ANXA2: variants seen among roughly 807,000 people sequenced by gnomAD.
ANXA2 encodes the protein annexin II.
Under a neutral mutation model 47.3 loss-of-function variants are expected in ANXA2, and 28 were observed. The ratio of observed to expected loss-of-function variants is 0.59; its 90% CI spans 0.44 to 0.81. The LOEUF (loss-of-function observed/expected upper bound fraction) is 0.81. ANXA2 is among the 40% of genes least tolerant of loss of function. The pLI is 0.00. For synonymous variants in ANXA2, 172 were observed against 155.5 expected (o/e 1.11, Z -0.79); for missense variants, 384 against 414.3 (o/e 0.93, Z 0.64).
intron 3 of ANXA2, among the ~76,000 whole-genome samples, chr15:60,376,912 C>T (rs2062786873): frequency 6.6e-6 from 1 of 152,242 alleles, no homozygotes; most frequent in African/African-American, 2.4e-5. Flanking sequence ...ACAGGGAAAT[C>T]AATGGAACAT....
chr15:60,392,941 CTAAAA>C, intron 1 of ANXA2: 1 of 753,182 alleles, frequency 1.3e-6, no homozygotes, highest in Non-Finnish European at 1.6e-6. Flanking sequence ...GAATTTTAAA[CTAAAA>C]AAAAAAAAAA....
chr15:60,369,411 A>G (rs532731950), intron 3 of ANXA2, among the ~76,000 whole-genome samples: 1 of 152,336 alleles, frequency 6.6e-6, no homozygotes, highest in South Asian at 2.1e-4. Flanking sequence ...CCACAACTGA[A>G]AATACTGAAG....
chr15:60,371,859 T>C (rs1436375603), intron 3 of ANXA2, among the ~76,000 whole-genome samples: 4 of 152,198 alleles, frequency 2.6e-5, no homozygotes, highest in African/African-American at 9.7e-5. Flanking sequence ...ATTATAATAA[T>C]AGTAACCTTT....
At chr15:60,372,941 C>T (rs2062729898) in intron 3 of ANXA2, among the ~76,000 whole-genome samples, 1 of 152,044 alleles carries the variant, frequency 6.6e-6, no homozygotes, top group African/African-American at 2.4e-5. Flanking sequence ...AGACAAGAGC[C>T]ACCACACCCA....
At chr15:60,358,002 A>T (rs2062459263) in intron 5 of ANXA2, among the ~76,000 whole-genome samples, 1 of 152,244 alleles carries the variant, frequency 6.6e-6, no homozygotes. Flanking sequence ...CAGAAATTTT[A>T]TGTTGTCACT....
In ANXA2 at chr15:60,388,619, G is replaced by C. The variant is rs2140928499; in HGVS notation, c.-11-2533C>G. 2.1e-5 allele frequency among the ~76,000 whole-genome samples: 3 copies of C among 145,840 alleles called. 1 individual carries two copies. The highest frequency in any genetic ancestry group is 7.6e-5 in the African/African-American group (3 of 39,236). Reference sequence around the variant, plus strand: ...TCCTTTTTTTTTTAATGTTTCAGTAGAGACAAGGTCCCACTGTGTTGCCCA... The same window carrying C: ...TCCTTTTTTTTTTAATGTTTCAGTACAGACAAGGTCCCACTGTGTTGCCCA... On this transcript the variant is annotated intron_variant, in intron 1 of 12. Coordinates refer to ENST00000451270, the MANE Select transcript of ANXA2 (RefSeq NM_004039.3).
chr15:60,354,290 A>G, intron 7 of ANXA2, 77 bp from the exon 8 acceptor site: 1 of 1,138,074 alleles, frequency 8.8e-7, no homozygotes, highest in South Asian at 1.4e-5. Context: ...TCCCCAGTCC[A>G]TGTACGCCAT....
chr15:60,388,362 T>C (rs1018188422), intron 1 of ANXA2, among the ~76,000 whole-genome samples: 2 of 152,106 alleles, frequency 1.3e-5, no homozygotes, highest in African/African-American at 2.4e-5. Context: ...GAAAAAATTA[T>C]ATAAAATTTC....
chr15:60,388,570 C>T (rs997703525), intron 1 of ANXA2, among the ~76,000 whole-genome samples: 2 of 150,768 alleles, frequency 1.3e-5, no homozygotes, highest in Non-Finnish European at 3.0e-5. Context: ...CATTTAATTT[C>T]CTTTTTCCTT....
At chr15:60,377,496 A>G (rs2062797135) in intron 3 of ANXA2, among the ~76,000 whole-genome samples, 1 of 152,244 alleles carries the variant, frequency 6.6e-6, no homozygotes, top group Admixed American at 6.5e-5. Flanking sequence ...CCAGACCATC[A>G]CAATAAAGCA....
chr15:60,369,559 G>A (rs886598104), intron 3 of ANXA2, among the ~76,000 whole-genome samples: 2 of 152,212 alleles, frequency 1.3e-5, no homozygotes, highest in Non-Finnish European at 2.9e-5. Context: ...CAAATGCAAA[G>A]TCTGTGTTTG....
At chr15:60,363,216 C>T (rs2062544497) in intron 4 of ANXA2, among the ~76,000 whole-genome samples, 1 of 152,052 alleles carries the variant, frequency 6.6e-6, no homozygotes, top group Admixed American at 6.6e-5. Context: ...CTTTGGGAAG[C>T]TGCAGAAATA....
At chr15:60,377,866 T>C (rs1446277104) in intron 3 of ANXA2, among the ~76,000 whole-genome samples, 1 of 152,062 alleles carries the variant, frequency 6.6e-6, no homozygotes, top group Non-Finnish European at 1.5e-5. Context: ...GACAGGTGGA[T>C]CACATGAGGT....
At chr15:60,390,439 G>A (rs969437307) in intron 1 of ANXA2, 48 of 512,204 alleles carry the variant, frequency 9.4e-5, no homozygotes, top group South Asian at 5.8e-4. Flanking sequence ...CCCACAAAAC[G>A]GCACAATACC....
At chr15:60,380,926 G>A (rs2062849703) in intron 3 of ANXA2, among the ~76,000 whole-genome samples, 1 of 151,408 alleles carries the variant, frequency 6.6e-6, no homozygotes, top group African/African-American at 2.4e-5. Flanking sequence ...CAGAACATAA[G>A]GCTTCCCCAA....
chr15:60,375,686 A>T (rs1566943171), intron 3 of ANXA2, among the ~76,000 whole-genome samples: 1 of 152,242 alleles, frequency 6.6e-6, no homozygotes. Flanking sequence ...AGGACGGAGC[A>T]TACATAAAAC....
intron 3 of ANXA2, among the ~76,000 whole-genome samples, chr15:60,381,491 T>C (rs9920861): frequency 0.18 from 28,069 of 151,854 alleles, 2,782 homozygotes; most frequent in South Asian, 0.28. Flanking sequence ...AGTCTGAACA[T>C]CCTATTTTGT....
At chr15:60,361,824 A>G (rs951234545) in intron 4 of ANXA2, among the ~76,000 whole-genome samples, 7 of 152,058 alleles carry the variant, frequency 4.6e-5, no homozygotes, top group Admixed American at 3.3e-4. Flanking sequence ...TGTGTCTTTT[A>G]GCGATGCTTC....
At position 60,354,619 on chromosome 15, in the gene ANXA2, CAA is replaced by C. The variant is rs5813019; in HGVS notation, c.529-408_529-407del. ...CTGGTGACAGAGTGAGACTCTGTCTCAAAAAAAAAAAAAAAAAAGAAAGAAAG... is the reference window on the plus strand; with the variant it reads ...CTGGTGACAGAGTGAGACTCTGTCTCAAAAAAAAAAAAAAAAGAAAGAAAG... On this transcript the variant is annotated intron_variant, in intron 7 of 12. Coordinates refer to ENST00000451270, the MANE Select transcript of ANXA2 (RefSeq NM_004039.3). 5.1e-3 allele frequency among the ~76,000 whole-genome samples: 554 copies of C among 109,230 alleles called. 2 individuals carry two copies. Among genetic ancestry groups the C allele is most frequent in the Non-Finnish European group, 7.4e-3 (417 of 56,592 alleles). The allele number at this position is 109,230 out of a possible 152,430, so 71.7% of individuals were successfully genotyped here.
Sources: allele counts gnomAD v4.1 joint callset (sites outside exome capture counted in the v4.1 genomes callset), GRCh38; gene constraint gnomAD v4.1.1; transcripts MANE v1.5; gene names NCBI Gene and HGNC (gene_info 2026-07-23, HGNC 2026-07-21).